Variants in SCARA3 observed in about 807,000 individuals in gnomAD.
SCARA3 encodes the protein cellular stress response gene protein.
SCARA3 carries 39 observed loss-of-function variants against 47.0 expected under a neutral mutation model. The ratio of observed to expected loss-of-function variants is 0.83; its 90% CI spans 0.64 to 1.08. The LOEUF (loss-of-function observed/expected upper bound fraction) is 1.08, where lower values mean the gene tolerates loss of function less well. Among genes scored for constraint, SCARA3 ranks in the 50% least tolerant of loss-of-function variants. The probability of loss-of-function intolerance (pLI) is 0.00; values close to 1 mark genes in which losing one functional copy is unlikely to be tolerated. For synonymous variants in SCARA3, 356 were observed against 334.1 expected, an observed-to-expected ratio of 1.07 and a Z score of -0.71; for missense variants, 724 against 792.3, an observed-to-expected ratio of 0.91 and a Z score of 1.04.
the SCARA3 span, among the ~76,000 whole-genome samples, chr8:27,691,789 C>T: frequency 1.3e-5 from 2 of 152,220 alleles, no homozygotes; most frequent in Admixed American, 6.5e-5. Flanking sequence ...AGTTCTCCCA[C>T]CCTTATCATT....
At chr8:27,728,241 G>A in the SCARA3 span, among the ~76,000 whole-genome samples, 2 of 152,240 alleles carry the variant, frequency 1.3e-5, no homozygotes, top group East Asian at 3.8e-4. Flanking sequence ...AAGTCTCAGA[G>A]GTGGCTGCAG....
chr8:27,640,697 T>A (rs978940671), intron 1 of SCARA3, among the ~76,000 whole-genome samples: 3 of 152,154 alleles, frequency 2.0e-5, no homozygotes, highest in Non-Finnish European at 4.4e-5. Flanking sequence ...TTGTTTTTGT[T>A]TGTTTGTTTC....
intron 1 of SCARA3, among the ~76,000 whole-genome samples, chr8:27,647,877 G>A (rs904986699): frequency 2.6e-5 from 4 of 152,184 alleles, no homozygotes; most frequent in Admixed American, 1.3e-4. Context: ...TACCAACAGC[G>A]CCTTGCCAAC....
chr8:27,639,850 C>T (rs1045373581), intron 1 of SCARA3, among the ~76,000 whole-genome samples: 12 of 152,138 alleles, frequency 7.9e-5, no homozygotes, highest in Admixed American at 2.6e-4. Context: ...AATGACCCAC[C>T]GCGTTGACTG....
downstream of SCARA3, among the ~76,000 whole-genome samples, chr8:27,673,176 C>T (rs756900281): frequency 1.6e-4 from 24 of 152,326 alleles, no homozygotes; most frequent in Non-Finnish European, 3.1e-4. Flanking sequence ...ACACTGAGTT[C>T]GGCCAGGGAC....
chr8:27,649,622 A>G, intron 1 of SCARA3, 80 bp from the exon 2 acceptor site: 1 of 1,314,218 alleles, frequency 7.6e-7, no homozygotes, highest in Non-Finnish European at 1.1e-6. Context: ...TGGGCATGGG[A>G]TATGGGGACA....
chr8:27,677,219 C>T (rs151025626), downstream of SCARA3, among the ~76,000 whole-genome samples: 442 of 152,284 alleles, frequency 2.9e-3, 8 homozygotes, highest in South Asian at 0.035. Flanking sequence ...GCTTCCTGTC[C>T]GGGGCCACTT....
At position 27,645,187 on chromosome 8, in the gene SCARA3, G is replaced by A. The variant is rs34845792; in HGVS notation, c.8-4515G>A. Among the ~76,000 whole-genome samples the A allele has an allele frequency of 1.5e-3, 234 of 152,336 alleles. 4 individuals are homozygous for A. In the East Asian group the frequency reaches 0.02, roughly 13 times the overall value. On this transcript the variant is annotated intron_variant, in intron 1 of 5. Transcript: ENST00000301904. ...TCGTCCCCAACACTCCCTAGCCATG[G>A]AGAATCCTAAGAATAAACCAGATTC... is the stretch of plus-strand genomic sequence containing the variant.
At chr8:27,695,408 T>G in the SCARA3 span, among the ~76,000 whole-genome samples, 1 of 152,192 alleles carries the variant, frequency 6.6e-6, no homozygotes, top group Non-Finnish European at 1.5e-5. Flanking sequence ...AAATTAATGT[T>G]CTTCACGGGT....
At chr8:27,728,621 A>T in the SCARA3 span, among the ~76,000 whole-genome samples, 42 of 152,240 alleles carry the variant, frequency 2.8e-4, no homozygotes, top group Non-Finnish European at 5.1e-4. Context: ...GTGAAGTATC[A>T]GATGTGAACC....
At chr8:27,652,289 C>T (rs1585282106) in intron 3 of SCARA3, among the ~76,000 whole-genome samples, 3 of 152,354 alleles carry the variant, frequency 2.0e-5, no homozygotes, top group Admixed American at 2.0e-4. Context: ...AGAGGCAAGT[C>T]ACTTCTGCCT....
the SCARA3 span, among the ~76,000 whole-genome samples, chr8:27,705,072 C>T: frequency 1.3e-5 from 2 of 152,294 alleles, no homozygotes; most frequent in East Asian, 1.9e-4. Flanking sequence ...GAGCAATCAG[C>T]GAGGGTACCA....
At chr8:27,723,793 C>T in the SCARA3 span, among the ~76,000 whole-genome samples, 20 of 152,154 alleles carry the variant, frequency 1.3e-4, no homozygotes, top group Admixed American at 1.2e-3. Flanking sequence ...TGGAGTGCAA[C>T]GGTGCGATCT....
downstream of SCARA3, among the ~76,000 whole-genome samples, chr8:27,675,014 A>C (rs1280395112): frequency 6.6e-6 from 1 of 152,018 alleles, no homozygotes. Flanking sequence ...GGCGTGAGCC[A>C]CCGTGCCAGG....
chr8:27,675,096 G>A (rs1194034646), downstream of SCARA3, among the ~76,000 whole-genome samples: 7 of 152,118 alleles, frequency 4.6e-5, no homozygotes, highest in Non-Finnish European at 1.0e-4. Context: ...TCCTCTGAGT[G>A]CCTCTAAAAA....
At chr8:27,648,633 C>G (rs1801562095) in intron 1 of SCARA3, among the ~76,000 whole-genome samples, 2 of 151,994 alleles carry the variant, frequency 1.3e-5, no homozygotes, top group East Asian at 3.9e-4. Context: ...AAAAGGAAAA[C>G]TTGAAGCTTC....
chr8:27,714,224 CT>C, the SCARA3 span, among the ~76,000 whole-genome samples: 20 of 100,870 alleles, frequency 2.0e-4, no homozygotes, highest in Non-Finnish European at 3.9e-4. Context: ...GAGATGGAGT[CT>C]TGCTCTGTCT....
At chr8:27,688,476 G>A in the SCARA3 span, among the ~76,000 whole-genome samples, 9 of 151,762 alleles carry the variant, frequency 5.9e-5, no homozygotes, top group South Asian at 4.2e-4. Context: ...TAGGAGGATC[G>A]CTTGAGTGCA....
chr8:27,681,242 A>G (rs1431599783), downstream of SCARA3, among the ~76,000 whole-genome samples: 2 of 152,212 alleles, frequency 1.3e-5, no homozygotes, highest in African/African-American at 2.4e-5. Flanking sequence ...AGGAAGTTAC[A>G]TAAAAACTCG....
Sources: gnomAD v4.1 joint callset for allele counts (sites outside exome capture counted in the v4.1 genomes callset) on GRCh38, gnomAD v4.1.1 for gene constraint, MANE v1.5 for transcripts, NCBI Gene and HGNC (gene_info 2026-07-23, HGNC 2026-07-21) for gene names.